The following CA9 variants were observed in gnomAD, a reference collection of about 807,000 sequenced individuals.
The protein encoded by CA9 is carbonic anhydrase 9.
CA9 carries 43 observed loss-of-function variants against 51.8 expected under a neutral mutation model. The observed-to-expected ratio is 0.83, with a 90% CI of 0.65 to 1.07. The LOEUF (loss-of-function observed/expected upper bound fraction) is 1.07, where lower values mean the gene tolerates loss of function less well. Ranked by LOEUF, CA9 falls within the 50% of genes least tolerant of loss-of-function variation. CA9 has a pLI of 0.00. For synonymous variants in CA9, 253 were observed against 244.2 expected, an observed-to-expected ratio of 1.04 and a Z score of -0.34; for missense variants, 574 against 581.4, an observed-to-expected ratio of 0.99 and a Z score of 0.13.
intron 6 of CA9, among the ~76,000 whole-genome samples, chr9:35,678,238 C>T (rs1034451683): frequency 6.0e-5 from 9 of 150,318 alleles, no homozygotes; most frequent in East Asian, 2.0e-4. Flanking sequence ...CCCAGCTACT[C>T]GGGAGGCTGA....
intron 6 of CA9, 57 bp downstream of exon 6, chr9:35,677,913 T>A: frequency 6.8e-7 from 1 of 1,479,802 alleles, no homozygotes; most frequent in Non-Finnish European, 9.5e-7. Context: ...AGAATCACCC[T>A]TTGGAGCTTC....
Position 35,675,546 on chromosome 9 carries a change from CAG to C in CA9, c.415_416del (p.His140LeufsTer123), listed in dbSNP as rs767341084. 1.9e-6 allele frequency: 3 copies of C among 1,614,168 alleles called. No individual in the cohort carries two copies. The highest frequency in any genetic ancestry group is 2.5e-6 in the Non-Finnish European group (3 of 1,180,018). On this transcript the variant is annotated frameshift_variant, in exon 2 of 11. Coordinates refer to ENST00000378357, the MANE Select transcript of CA9 (RefSeq NM_001216.3). LOFTEE classifies it high-confidence loss of function. ...NAHRDKEGDD[Q>X]SHWRYGGDPP... Reference sequence around the variant, plus strand: ...CCTTTTCATTTATACAGGGGATGACCAGAGTCATTGGCGCTATGGAGGTGAGA... The same window carrying C: ...CCTTTTCATTTATACAGGGGATGACCAGTCATTGGCGCTATGGAGGTGAGA...
chr9:35,676,157 GT>G lies in CA9; in HGVS notation c.699del (p.Arg234ValfsTer98), dbSNP rs894780719. 2.5e-6 allele frequency: 4 copies of G among 1,612,848 alleles called. No individual in the cohort carries two copies. Among genetic ancestry groups the G allele is most frequent in the Non-Finnish European group, 3.4e-6 (4 of 1,179,498 alleles). ...CTGCATCTGCACTGGGGGGCTGCAG[GT>G]CGTCCGGGCTCGGAGCACACTGTGG... ...LQLHLHWGAA[G>X]RPGSEHTVEG... On this transcript the variant is annotated frameshift_variant, in exon 4 of 11. Coordinates refer to ENST00000378357, the MANE Select transcript of CA9 (RefSeq NM_001216.3). LOFTEE classifies it high-confidence loss of function.
At chr9:35,674,507 C>T in intron 1 of CA9, 145 bp downstream of exon 1, 1 of 677,648 alleles carries the variant, frequency 1.5e-6, no homozygotes, top group South Asian at 2.0e-5. Flanking sequence ...TACCAATATC[C>T]CCATCCCCAC....
At chr9:35,680,230 T>C in intron 9 of CA9, 91 bp downstream of exon 9, 2 of 1,459,220 alleles carry the variant, frequency 1.4e-6, no homozygotes, top group Non-Finnish European at 1.9e-6. Context: ...CTGCTCCCTC[T>C]CCTTTTCTGC....
At chr9:35,680,078 A>G in intron 8 of CA9, 35 bp from the exon 9 acceptor site, 1 of 1,614,112 alleles carries the variant, frequency 6.2e-7, no homozygotes, top group Non-Finnish European at 8.5e-7. Flanking sequence ...ATTGGTGGTC[A>G]CAGCCCGCCT....
At chr9:35,675,959 G>A (rs1210460038) in intron 3 of CA9, 28 bp downstream of exon 3, 2 of 1,599,612 alleles carry the variant, frequency 1.3e-6, no homozygotes, top group South Asian at 1.1e-5. Flanking sequence ...CCGAGACTTG[G>A]GGATGGGGCG....
chr9:35,674,295 T>C lies in CA9; in HGVS notation c.336T>C (p.Asp112=), dbSNP rs1174886084. ...AAGAGGGCTCCCTGAAGTTAGAGGA[T>C]CTACCTACTGTTGAGGCTCCTGGAG... ...SEEEGSLKLE[D]LPTVEAPGDP... Residue 112 remains aspartate, a synonymous_variant, in exon 1 of 11, where the codon GAT becomes GAC. Coordinates refer to ENST00000378357, the MANE Select transcript of CA9 (RefSeq NM_001216.3). 1 of 1,614,172 alleles carries C rather than the reference T, an allele frequency of 6.2e-7. No individual in the cohort carries two copies. Among genetic ancestry groups the C allele is most frequent in the South Asian group, 1.1e-5 (1 of 91,080 alleles).
chr9:35,676,832 C>T (rs1824432300), intron 5 of CA9, among the ~76,000 whole-genome samples: 3 of 152,122 alleles, frequency 2.0e-5, no homozygotes, highest in Admixed American at 2.0e-4. Context: ...GGTGAGATGC[C>T]TGCTAGGTTC....
At chr9:35,675,658 T>TCCCC in intron 2 of CA9, 91 bp downstream of exon 2, 10 of 1,407,088 alleles carry the variant, frequency 7.1e-6, no homozygotes, top group Admixed American at 1.7e-5. Context: ...GTCCCGGGCG[T>TCCCC]CCCACCCGCC....
At position 35,674,500 on chromosome 9, in the gene CA9, C is replaced by G. The variant is rs1014269055; in HGVS notation, c.403+138C>G. On this transcript the variant is annotated intron_variant, in intron 1 of 10. Transcript: ENST00000378357. ...AGAAGCCCTTCCAGAGGTCCCATAC[C>G]AATATCCCCATCCCCACTCTCGGAG... is the stretch of plus-strand genomic sequence containing the variant. 5 of 708,662 alleles carry G rather than the reference C, an allele frequency of 7.1e-6. No homozygotes were observed. The African/African-American group carries it at 8.9e-5, about 13-fold the overall frequency. 43.9% of individuals were successfully genotyped at this position (708,662 alleles called of 1,614,324 possible). A position where few individuals can be genotyped will look rare whatever the true frequency, so the allele number is the denominator to read the frequency against.
In CA9 at chr9:35,675,947, C is replaced by A; in HGVS notation, c.604+16C>A. 6.3e-7 allele frequency: 1 copy of A among 1,599,666 alleles called. No individual in the cohort carries two copies. Among genetic ancestry groups the A allele is most frequent in the Non-Finnish European group, 8.5e-7 (1 of 1,172,432 alleles). On this transcript the variant is annotated intron_variant, in intron 3 of 10. Transcript: ENST00000378357. ...GGCCACAGTGGTGAGGGGGTCTCCCCGCCGAGACTTGGGGATGGGGCGGGG... is the reference window on the plus strand; with the variant it reads ...GGCCACAGTGGTGAGGGGGTCTCCCAGCCGAGACTTGGGGATGGGGCGGGG...
At chr9:35,675,977 G>A (rs753662555) in intron 3 of CA9, 46 bp downstream of exon 3, 1 of 1,601,184 alleles carries the variant, frequency 6.2e-7, no homozygotes, top group Non-Finnish European at 8.5e-7. Context: ...GCGGGGCGCA[G>A]GGAAGGGAAC....
At chr9:35,677,552 G>A (rs868527253) in intron 5 of CA9, among the ~76,000 whole-genome samples, 5 of 152,004 alleles carry the variant, frequency 3.3e-5, no homozygotes, top group African/African-American at 4.8e-5. Context: ...TTGTTGGTTC[G>A]CACAGCAAGA....
intron 5 of CA9, among the ~76,000 whole-genome samples, 147 bp from the exon 6 acceptor site, chr9:35,677,630 CAGCAACAACAAAA>C (rs1375393744): frequency 6.6e-6 from 1 of 151,850 alleles, no homozygotes; most frequent in Non-Finnish European, 1.5e-5. Flanking sequence ...AAAAAAACAA[CAGCAACAACAAAA>C]AGCAACAACC....
Position 35,675,585 on chromosome 9 carries a change from T to C in CA9, c.433+18T>C. On this transcript the variant is annotated intron_variant, in intron 2 of 10. Coordinates refer to ENST00000378357, the MANE Select transcript of CA9 (RefSeq NM_001216.3). The stretch of plus-strand genomic sequence containing the variant: ...CTATGGAGGTGAGACACCCACCCGC[T>C]GCACAGACCCAATCTGGGAACCCAG... The C allele has an allele frequency of 6.2e-7, 1 of 1,613,922 alleles. No homozygotes were observed. Among genetic ancestry groups the C allele is most frequent in the East Asian group, 2.2e-5 (1 of 44,886 alleles).
chr9:35,680,372 C>CA (rs1824519405), intron 9 of CA9, among the ~76,000 whole-genome samples: 1 of 151,244 alleles, frequency 6.6e-6, no homozygotes, highest in Non-Finnish European at 1.5e-5. Context: ...AATCCCCCCC[C>CA]TTTTTTTAAA....
At chr9:35,677,588 A>G (rs1255225302) in intron 5 of CA9, among the ~76,000 whole-genome samples, 1 of 151,802 alleles carries the variant, frequency 6.6e-6, no homozygotes, top group Non-Finnish European at 1.5e-5. Flanking sequence ...AATAATACAT[A>G]GGATTTTAAG....
chr9:35,675,285 C>A lies in CA9; in HGVS notation c.404-253C>A. 5 of 569,086 alleles carry A rather than the reference C, an allele frequency of 8.8e-6. No homozygotes were observed. In the Admixed American group the frequency reaches 1.2e-4, roughly 14 times the overall value. 35.3% of individuals were successfully genotyped at this position (569,086 alleles called of 1,614,324 possible). On this transcript the variant is annotated intron_variant, in intron 1 of 10. Transcript: ENST00000378357. ...CTGGGATTATAGGCGTGAGCCACAG[C>A]GCCTGGCCTGAAGCAGCCACTCACT...
Sources: gnomAD v4.1 joint callset for allele counts (sites outside exome capture counted in the v4.1 genomes callset) on GRCh38, gnomAD v4.1.1 for gene constraint, MANE v1.5 for transcripts, NCBI Gene and HGNC (gene_info 2026-07-23, HGNC 2026-07-21) for gene names.